Variants in SIRPB2 observed in about 807,000 individuals in gnomAD.
The protein encoded by SIRPB2 is signal-regulatory protein beta-2.
Under a neutral mutation model 27.1 loss-of-function variants are expected in SIRPB2, and 18 were observed. The observed-to-expected ratio is 0.66, with a 90% confidence interval of 0.46 to 0.98. SIRPB2 has a LOEUF of 0.98. Among genes scored for constraint, SIRPB2 ranks in the 50% least tolerant of loss-of-function variants. The pLI, the probability that SIRPB2 is intolerant of heterozygous loss-of-function variation, is 0.00. For missense variants in SIRPB2, 420 were observed against 417.4 expected (o/e 1.01, Z -0.06); for synonymous variants, 150 against 164.6 (o/e 0.91, Z 0.68).
Position 1,475,781 on chromosome 20 carries a change from TG to T in SIRPB2, c.*385del. 7.3e-6 allele frequency: 1 copy of T among 137,440 alleles called. No homozygotes were observed. Among genetic ancestry groups the T allele is most frequent in the Non-Finnish European group, 1.6e-5 (1 of 64,188 alleles). The allele number at this position is 137,440 out of a possible 1,614,324, so 8.5% of individuals were successfully genotyped here. ...GAGGGGCACAGATGGTCTGGCTGGT[TG>T]AGTTCAGAGATTCTTACAGACATCT... On this transcript the variant is annotated 3_prime_UTR_variant, in exon 5 of 5. Coordinates refer to ENST00000359801, the MANE Select transcript of SIRPB2 (RefSeq NM_001122962.2).
At position 1,476,128 on chromosome 20, in the gene SIRPB2, C is replaced by T. The variant is rs916516925; in HGVS notation, c.*39G>A. 6.3e-7 allele frequency: 1 copy of T among 1,599,778 alleles called. No individual in the cohort carries two copies. The highest frequency in any genetic ancestry group is 1.4e-5 in the African/African-American group (1 of 73,928). The stretch of plus-strand genomic sequence containing the variant: ...GGAAATGGTTGAGGAGCCCTGGCTC[C>T]TCTCCAACTCAGAGGGTCCTCACTC... On this transcript the variant is annotated 3_prime_UTR_variant, in exon 5 of 5. Transcript: ENST00000359801.
chr20:1,481,890 C>G (rs947977871), intron 1 of SIRPB2, among the ~76,000 whole-genome samples: 3 of 152,178 alleles, frequency 2.0e-5, no homozygotes, highest in African/African-American at 7.2e-5. Context: ...CTCACACACA[C>G]GTACAGGACT....
At chr20:1,487,889 A>G (rs2090741824) in intron 1 of SIRPB2, among the ~76,000 whole-genome samples, 1 of 152,354 alleles carries the variant, frequency 6.6e-6, no homozygotes, top group Admixed American at 6.5e-5. Flanking sequence ...TTGGAAATAC[A>G]TGTGCAAACA....
chr20:1,485,233 G>A (rs1464587488), intron 1 of SIRPB2, among the ~76,000 whole-genome samples: 8 of 152,160 alleles, frequency 5.3e-5, no homozygotes, highest in Non-Finnish European at 1.2e-4. Flanking sequence ...ATAGCTTGAA[G>A]AGAGGACTTA....
At chr20:1,476,484 A>T in intron 4 of SIRPB2, 148 bp from the exon 5 acceptor site, 1 of 940,390 alleles carries the variant, frequency 1.1e-6, no homozygotes, top group Non-Finnish European at 1.5e-6. Context: ...GAGATCAAAG[A>T]CCACCCTTCC....
intron 1 of SIRPB2, among the ~76,000 whole-genome samples, chr20:1,489,959 A>G (rs574570425): frequency 6.6e-6 from 1 of 152,276 alleles, no homozygotes; most frequent in South Asian, 2.1e-4. Flanking sequence ...CTGTGCCACT[A>G]TATAGAGGGC....
chr20:1,476,725 G>A, intron 4 of SIRPB2: 2 of 1,047,222 alleles, frequency 1.9e-6, no homozygotes, highest in Non-Finnish European at 2.3e-6. Flanking sequence ...AGGCCGTCTG[G>A]CCCCCATGAA....
chr20:1,476,024 G>T lies in SIRPB2; in HGVS notation c.*143C>A. ...CGGTGCAAAGAAGGGAATTTCACTA[G>T]GTGGACCAAAACCAGATGTAGGGAT... On this transcript the variant is annotated 3_prime_UTR_variant, in exon 5 of 5. Coordinates refer to ENST00000359801, the MANE Select transcript of SIRPB2 (RefSeq NM_001122962.2). 1 of 903,462 alleles carries T rather than the reference G, an allele frequency of 1.1e-6. No individual in the cohort carries two copies. The highest frequency in any genetic ancestry group is 1.7e-6 in the Non-Finnish European group (1 of 594,420). 56.0% of individuals were successfully genotyped at this position (903,462 alleles called of 1,614,324 possible).
At chr20:1,481,855 T>A (rs992603784) in intron 1 of SIRPB2, among the ~76,000 whole-genome samples, 3 of 152,184 alleles carry the variant, frequency 2.0e-5, no homozygotes, top group African/African-American at 7.2e-5. Flanking sequence ...CCTTCCTGTT[T>A]TTTTCCCTGG....
intron 3 of SIRPB2, 108 bp from the exon 4 acceptor site, chr20:1,477,511 G>T: frequency 1.3e-6 from 2 of 1,514,626 alleles, no homozygotes; most frequent in South Asian, 2.7e-5. Context: ...TTTCTATGTG[G>T]GTATGGGCTA....
chr20:1,482,858 T>C (rs112312638), intron 1 of SIRPB2, among the ~76,000 whole-genome samples: 1,569 of 152,302 alleles, frequency 0.01, 28 homozygotes, highest in African/African-American at 0.035. Context: ...CATCCATTGA[T>C]TGACGCTTAG....
At chr20:1,480,122 G>A in intron 1 of SIRPB2, 57 bp from the exon 2 acceptor site, 1 of 1,527,672 alleles carries the variant, frequency 6.5e-7, no homozygotes, top group Non-Finnish European at 8.7e-7. Context: ...AGCCCTAAAT[G>A]ACAAGCTTAA....
At chr20:1,487,999 A>G (rs566957817) in intron 1 of SIRPB2, among the ~76,000 whole-genome samples, 2 of 152,354 alleles carry the variant, frequency 1.3e-5, no homozygotes, top group South Asian at 2.1e-4. Context: ...CTAGCTGCAA[A>G]CATGGAAAAA....
chr20:1,478,675 G>A, intron 2 of SIRPB2, 68 bp from the exon 3 acceptor site: 1 of 1,304,288 alleles, frequency 7.7e-7, no homozygotes, highest in Non-Finnish European at 1.0e-6. Flanking sequence ...TTTCCTACCT[G>A]GTGTTTTCCC....
chr20:1,470,861 C>G (rs577145268), downstream of SIRPB2: 2 of 152,290 alleles, frequency 1.3e-5, no homozygotes, highest in South Asian at 4.1e-4. Context: ...TCCCTCATGC[C>G]CCTGCACGAA....
Position 1,479,812 on chromosome 20 carries a change from A to G in SIRPB2, c.339T>C (p.Tyr113=). The part of the protein sequence containing the change: ...SEPLNCDYSI[Y]IHNVTREHTG... The stretch of plus-strand genomic sequence containing the variant: ...TGTGCTCCCTGGTGACATTGTGGAT[A>G]TAGATGGAATAATCACAATTCAGTG... The change falls in exon 2 of 5, where the codon TAT becomes TAC. Residue 113 remains tyrosine, a synonymous_variant. Transcript: ENST00000359801. 3.7e-6 allele frequency: 6 copies of G among 1,614,260 alleles called. No individual in the cohort carries two copies. Among genetic ancestry groups the G allele is most frequent in the Non-Finnish European group, 5.1e-6 (6 of 1,180,050 alleles).
At chr20:1,473,863 C>T (rs1466445737), downstream of SIRPB2, 1 of 456,310 alleles carries the variant, frequency 2.2e-6, no homozygotes, top group African/African-American at 2.0e-5. Flanking sequence ...TAACAGATCA[C>T]TGCAAACCTG....
rs147779714 is a variant in SIRPB2 at position 1,474,760 on chromosome 20, G to T, written c.*1407C>A. 8.2e-3 allele frequency: 1,255 copies of T among 152,318 alleles called. 16 individuals carry two copies. The highest frequency in any genetic ancestry group is 0.028 in the African/African-American group (1,172 of 41,526). 9.4% of individuals were successfully genotyped at this position (152,318 alleles called of 1,614,324 possible). ...GCTAATTTTTTGTATTTTTAGTAGA[G>T]ACGAGGTTTCACCATGTTAGCCAGG... On this transcript the variant is annotated 3_prime_UTR_variant, in exon 5 of 5. Transcript: ENST00000359801.
rs2090602300 is a variant in SIRPB2 at position 1,475,931 on chromosome 20, A to G, written c.*236T>C. 3 of 478,692 alleles carry G rather than the reference A, an allele frequency of 6.3e-6. No homozygotes were observed. Among genetic ancestry groups the G allele is most frequent in the Non-Finnish European group, 1.1e-5 (3 of 269,500 alleles). 29.7% of individuals were successfully genotyped at this position (478,692 alleles called of 1,614,324 possible). A position where few individuals can be genotyped will look rare whatever the true frequency, so the allele number is the denominator to read the frequency against. ...AAGGGTGTTGAGGAGAGACTGAGCC[A>G]GGGACTGAAAAGCAAGGAGGTCTTG... is the stretch of plus-strand genomic sequence containing the variant. On this transcript the variant is annotated 3_prime_UTR_variant, in exon 5 of 5. Transcript: ENST00000359801.
Sources: gnomAD v4.1 joint callset for allele counts (sites outside exome capture counted in the v4.1 genomes callset) on GRCh38, gnomAD v4.1.1 for gene constraint, MANE v1.5 for transcripts, NCBI Gene and HGNC (gene_info 2026-07-23, HGNC 2026-07-21) for gene names.